Variants in TUBA3C observed in about 807,000 individuals in gnomAD.
TUBA3C encodes tubulin alpha-3C chain.
In TUBA3C, 23 loss-of-function variants were observed where a neutral mutation model predicts 33.4. The ratio of observed to expected loss-of-function variants is 0.69; its 90% CI spans 0.50 to 0.98. The LOEUF (loss-of-function observed/expected upper bound fraction) is 0.98, where lower values mean the gene tolerates loss of function less well. Ranked by LOEUF, TUBA3C falls within the 50% of genes least tolerant of loss-of-function variation. The pLI is 0.00. For missense variants in TUBA3C, 402 were observed against 616.0 expected (o/e 0.65, Z 3.68); for synonymous variants, 269 against 250.4 (o/e 1.07, Z -0.70).
At chr13:19,175,116 G>A (rs1299658427) in intron 4 of TUBA3C, among the ~76,000 whole-genome samples, 1 of 152,098 alleles carries the variant, frequency 6.6e-6, no homozygotes, top group Non-Finnish European at 1.5e-5. Context: ...GCCGGGTGTG[G>A]TGGCGGGCGC....
chr13:19,180,490 G>A (rs1225642110), intron 1 of TUBA3C, among the ~76,000 whole-genome samples: 1 of 151,360 alleles, frequency 6.6e-6, no homozygotes, highest in African/African-American at 2.4e-5. Flanking sequence ...AGACCAGCCT[G>A]GGCAACTATG....
intron 4 of TUBA3C, among the ~76,000 whole-genome samples, chr13:19,175,916 G>A (rs1869164091): frequency 6.6e-6 from 1 of 152,112 alleles, no homozygotes; most frequent in Admixed American, 6.5e-5. Context: ...GCTAATTTTT[G>A]TATTTTTAGT....
rs558638690 is a variant in TUBA3C, at chr13:19,178,830, G to A, written c.227-436C>T. Among the ~76,000 whole-genome samples, 5 of 152,224 alleles carry A rather than the reference G, an allele frequency of 3.3e-5. No individual in the cohort carries two copies. In the South Asian group the frequency reaches 6.2e-4, roughly 19 times the overall value. ...CCATCAGGGCACCCTGTGTGGCCTG[G>A]GCCCCACAGGCTTTCAGGTGACACT... On this transcript the variant is annotated intron_variant, in intron 2 of 4. Coordinates refer to ENST00000400113, the MANE Select transcript of TUBA3C (RefSeq NM_006001.3).
chr13:19,178,859 A>T (rs900869841), intron 2 of TUBA3C, among the ~76,000 whole-genome samples: 3 of 152,138 alleles, frequency 2.0e-5, no homozygotes, highest in African/African-American at 7.2e-5. Context: ...TGACACTGTC[A>T]TCTCATGTGG....
Position 19,177,837 on chromosome 13 carries a change from T to C in TUBA3C, c.376-230A>G, listed in dbSNP as rs2138956593. On this transcript the variant is annotated intron_variant, in intron 3 of 4. Coordinates refer to ENST00000400113, the MANE Select transcript of TUBA3C (RefSeq NM_006001.3). This position sits in a 1 kb window ranked among gnomAD's most constrained non-coding sequence, Gnocchi z 5.0. ...AGACGCAATAGGACTCAAGATACTGTTCTAAGTTGTTTTTTTTTTTTTTTT... is the reference window on the plus strand; with the variant it reads ...AGACGCAATAGGACTCAAGATACTGCTCTAAGTTGTTTTTTTTTTTTTTTT... 7.0e-6 allele frequency among the ~76,000 whole-genome samples: 1 copy of C among 143,586 alleles called. No individual in the cohort carries two copies. Among genetic ancestry groups the C allele is most frequent in the South Asian group, 2.3e-4 (1 of 4,412 alleles). 94.2% of individuals were successfully genotyped at this position (143,586 alleles called of 152,430 possible).
Position 19,177,846 on chromosome 13 carries a change from G to GTTTTTTTT in TUBA3C, c.376-247_376-240dup, listed in dbSNP as rs5802006. 1.6e-5 allele frequency among the ~76,000 whole-genome samples: 2 copies of GTTTTTTTT among 128,540 alleles called. No homozygotes were observed. The highest frequency in any genetic ancestry group is 3.3e-5 in the Non-Finnish European group (2 of 60,528). The allele number at this position is 128,540 out of a possible 152,430, so 84.3% of individuals were successfully genotyped here. A position where few individuals can be genotyped will look rare whatever the true frequency, so the allele number is the denominator to read the frequency against. ...AGGACTCAAGATACTGTTCTAAGTT[G>GTTTTTTTT]TTTTTTTTTTTTTTTTTTTAGATAG... is the stretch of plus-strand genomic sequence containing the variant. On this transcript the variant is annotated intron_variant, in intron 3 of 4. Transcript: ENST00000400113. The surrounding 1 kb of genome is among the most constrained non-coding windows in gnomAD (Gnocchi z 5.0).
chr13:19,178,259 C>T lies in TUBA3C; in HGVS notation c.362G>A (p.Arg121Gln), dbSNP rs778228340. 5.6e-6 allele frequency: 9 copies of T among 1,614,006 alleles called. No individual in the cohort carries two copies. The highest frequency in any genetic ancestry group is 2.7e-5 in the African/African-American group (2 of 74,910). Residue 121 changes from arginine to glutamine, a missense_variant, in exon 3 of 5, where the codon CGG becomes CAG. Physicochemically the swap from Arg to Gln is conservative, Grantham distance 43. Transcript: ENST00000400113. ...GKEIVDLVLD[R>Q]IRKLADLCTG... ...TTCTCTTCTTACCAGTTTGCGGATC[C>T]GGTCCAGGACCAGGTCGACGATCTC...
intron 4 of TUBA3C, among the ~76,000 whole-genome samples, chr13:19,174,570 A>T (rs36216661): frequency 6.6e-6 from 1 of 151,948 alleles, no homozygotes; most frequent in Non-Finnish European, 1.5e-5. Flanking sequence ...TAGGTGGTGT[A>T]TATATTTTAT....
intron 1 of TUBA3C, among the ~76,000 whole-genome samples, chr13:19,180,779 G>A (rs572677627): frequency 6.6e-6 from 1 of 150,642 alleles, no homozygotes; most frequent in Non-Finnish European, 1.5e-5. Flanking sequence ...ACAGGCGTGA[G>A]CCACAGCGCC....
At position 19,174,993 on chromosome 13, in the gene TUBA3C, A is replaced by T. The variant is rs1021646755; in HGVS notation, c.1057-834T>A. ...GCCGGGCACGGTGACCCACACCTGTAATCCCAGCACTTTGGCAGGCCGAGG... is the reference window on the plus strand; with the variant it reads ...GCCGGGCACGGTGACCCACACCTGTTATCCCAGCACTTTGGCAGGCCGAGG... On this transcript the variant is annotated intron_variant, in intron 4 of 4. Transcript: ENST00000400113. Among the ~76,000 whole-genome samples the T allele has an allele frequency of 4.6e-5, 7 of 152,286 alleles. No individual in the cohort carries two copies. In the South Asian group the frequency reaches 6.2e-4, roughly 14 times the overall value.
Position 19,177,042 on chromosome 13 carries a change from G to T in TUBA3C, c.941C>A (p.Ala314Asp). ...ATCCCCCCTGTACAACATGCAGCAG[G>T]CCATGTACTTGCCGTGGCGAGGGTC... ...KCDPRHGKYM[A>D]CCMLYRGDVV... Residue 314 changes from alanine to aspartate, a missense_variant, in exon 4 of 5, where the codon GCC becomes GAC. Coordinates refer to ENST00000400113, the MANE Select transcript of TUBA3C (RefSeq NM_006001.3). The surrounding 1 kb of genome is among the most constrained non-coding windows in gnomAD (Gnocchi z 5.0). 3 of 1,614,134 alleles carry T rather than the reference G, an allele frequency of 1.9e-6. No individual in the cohort carries two copies. Among genetic ancestry groups the T allele is most frequent in the Non-Finnish European group, 2.5e-6 (3 of 1,180,028 alleles).
At chr13:19,181,582 C>T (rs749415160) in intron 1 of TUBA3C, among the ~76,000 whole-genome samples, 163 bp downstream of exon 1, 2 of 152,134 alleles carry the variant, frequency 1.3e-5, no homozygotes, top group African/African-American at 2.4e-5. Flanking sequence ...ACCCAGCAGA[C>T]GATGCCGTGT....
intron 1 of TUBA3C, among the ~76,000 whole-genome samples, chr13:19,181,369 C>T (rs1869410711): frequency 6.6e-6 from 1 of 152,184 alleles, no homozygotes; most frequent in East Asian, 1.9e-4. Context: ...ATCAACAAGG[C>T]TCCTGGGGCT....
intron 1 of TUBA3C, among the ~76,000 whole-genome samples, chr13:19,180,188 C>A (rs947793241): frequency 6.6e-6 from 1 of 152,162 alleles, no homozygotes; most frequent in Non-Finnish European, 1.5e-5. Context: ...AGGGTACTCT[C>A]CCCTTGGCCC....
chr13:19,178,425 T>G, intron 2 of TUBA3C, 31 bp from the exon 3 acceptor site: 1 of 1,612,960 alleles, frequency 6.2e-7, no homozygotes, highest in Non-Finnish European at 8.5e-7. Flanking sequence ...ACTGTGAATC[T>G]TTAAGGCCTA....
chr13:19,177,644 G>C lies in TUBA3C; in HGVS notation c.376-37C>G. On this transcript the variant is annotated intron_variant, in intron 3 of 4. Transcript: ENST00000400113. This position sits in a 1 kb window ranked among gnomAD's most constrained non-coding sequence, Gnocchi z 5.0. ...CAGACAACATGAATCAATGCCCGTG[G>C]AAGCCACACCACCAACCTCCACCAA... The C allele has an allele frequency of 6.5e-7, 1 of 1,532,668 alleles. No individual in the cohort carries two copies. Among genetic ancestry groups the C allele is most frequent in the Non-Finnish European group, 8.8e-7 (1 of 1,142,070 alleles). The allele number at this position is 1,532,668 out of a possible 1,614,324, so 94.9% of individuals were successfully genotyped here.
In TUBA3C at chr13:19,181,808, T is replaced by G; in HGVS notation, c.-61A>C. ...ACTTGACCTCAACCGCCGCTGCAGCTGCGCACGCCCAACGACAGCCTCCCG... is the reference window on the plus strand; with the variant it reads ...ACTTGACCTCAACCGCCGCTGCAGCGGCGCACGCCCAACGACAGCCTCCCG... On this transcript the variant is annotated 5_prime_UTR_variant, in exon 1 of 5. Coordinates refer to ENST00000400113, the MANE Select transcript of TUBA3C (RefSeq NM_006001.3). 6.3e-7 allele frequency: 1 copy of G among 1,592,628 alleles called. No individual in the cohort carries two copies. Among genetic ancestry groups the G allele is most frequent in the Admixed American group, 1.7e-5 (1 of 59,640 alleles).
intron 1 of TUBA3C, 102 bp from the exon 2 acceptor site, chr13:19,179,665 A>G: frequency 2.1e-6 from 3 of 1,397,014 alleles, no homozygotes; most frequent in Admixed American, 2.7e-5. Flanking sequence ...CTGCTTCAGT[A>G]TCTGGTGCTT....
intron 2 of TUBA3C, among the ~76,000 whole-genome samples, chr13:19,178,735 G>A (rs1869292762): frequency 6.6e-6 from 1 of 152,110 alleles, no homozygotes; most frequent in African/African-American, 2.4e-5. Context: ...TAGCTACATC[G>A]AAGGCTGTAA....
Sources: allele counts gnomAD v4.1 joint callset (sites outside exome capture counted in the v4.1 genomes callset), GRCh38; gene constraint gnomAD v4.1.1; non-coding constraint Gnocchi (gnomAD v3.1); transcripts MANE v1.5; gene names NCBI Gene and HGNC (gene_info 2026-07-23, HGNC 2026-07-21).